GRM8: variants seen among roughly 807,000 people sequenced by gnomAD.
GRM8 encodes glutamate metabotropic receptor 8, also known as metabotropic glutamate receptor 8.
In GRM8, 47 loss-of-function variants were observed where a neutral mutation model predicts 87.2. The observed-to-expected ratio is 0.54, with a 90% CI of 0.43 to 0.69. The LOEUF is 0.69. Among genes scored for constraint, GRM8 ranks in the 30% least tolerant of loss-of-function variants. The pLI, the probability that GRM8 is intolerant of heterozygous loss-of-function variation, is 0.00. For synonymous variants in GRM8, 396 were observed against 404.5 expected, an observed-to-expected ratio of 0.98 and a Z score of 0.25; for missense variants, 1,019 against 1,139.2, an observed-to-expected ratio of 0.89 and a Z score of 1.52.
At chr7:126,746,512 C>T (rs923691537) in intron 7 of GRM8, among the ~76,000 whole-genome samples, 114 of 151,674 alleles carry the variant, frequency 7.5e-4, no homozygotes, top group African/African-American at 2.5e-3. Flanking sequence ...AAAATTTAAA[C>T]TTTTTAAATT....
At chr7:126,600,830 T>A (rs1271842392) in intron 8 of GRM8, among the ~76,000 whole-genome samples, 1 of 152,100 alleles carries the variant, frequency 6.6e-6, no homozygotes, top group Non-Finnish European at 1.5e-5. Context: ...TAAATTAGCA[T>A]CTAATAAACA....
At chr7:126,459,422 C>A (rs1803637105) in intron 9 of GRM8, among the ~76,000 whole-genome samples, 1 of 151,210 alleles carries the variant, frequency 6.6e-6, no homozygotes, top group African/African-American at 2.4e-5. Context: ...TCACCCCCAG[C>A]TCCTATGCTG....
rs139334197 is a variant in GRM8 at position 126,485,670 on chromosome 7, A to C, written c.2431-39298T>G. Among the ~76,000 whole-genome samples, 15 of 152,160 alleles carry C rather than the reference A, an allele frequency of 9.9e-5. No individual in the cohort carries two copies. The East Asian group carries it at 2.9e-3, about 30-fold the overall frequency. On this transcript the variant is annotated intron_variant, in intron 9 of 10. Coordinates refer to ENST00000339582, the MANE Select transcript of GRM8 (RefSeq NM_000845.3). ...CAAAACTGAAGACTAAAAAATCTTC[A>C]GTGGTTGCCCCTCTGCCAAATTAGC...
chr7:126,517,193 A>C (rs893663934), intron 9 of GRM8, among the ~76,000 whole-genome samples: 8 of 152,104 alleles, frequency 5.3e-5, no homozygotes, highest in African/African-American at 1.9e-4. Flanking sequence ...GCAGATTTAC[A>C]TAACAAGAAT....
At chr7:127,015,527 T>C (rs1312541612) in intron 3 of GRM8, among the ~76,000 whole-genome samples, 1 of 152,148 alleles carries the variant, frequency 6.6e-6, no homozygotes, top group Non-Finnish European at 1.5e-5. Flanking sequence ...ATTTTCTGTA[T>C]TCATCTGTTG....
In GRM8 at chr7:126,919,818, G is replaced by A. The variant is rs145356297; in HGVS notation, c.728-15135C>T. 9.2e-5 allele frequency among the ~76,000 whole-genome samples: 14 copies of A among 152,090 alleles called. No individual in the cohort carries two copies. In the East Asian group the frequency reaches 2.5e-3, roughly 27 times the overall value. On this transcript the variant is annotated intron_variant, in intron 3 of 10. Coordinates refer to ENST00000339582, the MANE Select transcript of GRM8 (RefSeq NM_000845.3). ...ATTTTAAAAACCTGAAAATGGAGAT[G>A]AGCCACCTGATACAACACCCTTTCA...
chr7:126,996,351 A>G (rs2131991992), intron 3 of GRM8, among the ~76,000 whole-genome samples: 1 of 149,750 alleles, frequency 6.7e-6, no homozygotes, highest in African/African-American at 2.5e-5. Flanking sequence ...ATCTTAAGTC[A>G]AAAGACTAAA....
At chr7:127,058,130 A>T (rs746557038) in intron 3 of GRM8, 14 of 520,606 alleles carry the variant, frequency 2.7e-5, no homozygotes, top group African/African-American at 3.9e-5. Context: ...CCACGTGATG[A>T]CGCTGTGCCA....
At chr7:127,030,479 A>G (rs1817256975) in intron 3 of GRM8, among the ~76,000 whole-genome samples, 2 of 152,148 alleles carry the variant, frequency 1.3e-5, no homozygotes, top group Non-Finnish European at 1.5e-5. Flanking sequence ...CAAAGCCCCA[A>G]TTCTAGGACT....
intron 6 of GRM8, among the ~76,000 whole-genome samples, chr7:126,815,237 G>A (rs773726702): frequency 5.9e-5 from 9 of 151,936 alleles, no homozygotes; most frequent in Non-Finnish European, 1.0e-4. Context: ...AGTCTTTTTG[G>A]TACACAGAGG....
Position 126,797,648 on chromosome 7 carries a change from T to C in GRM8, c.1157-27583A>G, listed in dbSNP as rs938671069. ...TCTGAAGCCAAAACCTTTTAGTCTA[T>C]CAAGCATGGATTTATTCATGATTTT... On this transcript the variant is annotated intron_variant, in intron 6 of 10. Coordinates refer to ENST00000339582, the MANE Select transcript of GRM8 (RefSeq NM_000845.3). Among the ~76,000 whole-genome samples the C allele has an allele frequency of 2.6e-5, 4 of 152,206 alleles. No individual in the cohort carries two copies. The East Asian group carries it at 5.8e-4, about 22-fold the overall frequency.
chr7:126,931,525 T>C (rs1805770868), intron 3 of GRM8, among the ~76,000 whole-genome samples: 2 of 152,176 alleles, frequency 1.3e-5, no homozygotes, highest in South Asian at 4.1e-4. Context: ...AAACCCAAAA[T>C]ATTAATAAAG....
chr7:127,220,307 A>C (rs886069936), intron 2 of GRM8, among the ~76,000 whole-genome samples: 1 of 152,232 alleles, frequency 6.6e-6, no homozygotes, highest in Non-Finnish European at 1.5e-5. Context: ...CAAAAGCTGC[A>C]GTAAAAGAAC....
At chr7:126,461,808 C>T (rs542346722) in intron 9 of GRM8, among the ~76,000 whole-genome samples, 16 of 151,736 alleles carry the variant, frequency 1.1e-4, no homozygotes, top group Non-Finnish European at 1.9e-4. Context: ...TCTTGTAATA[C>T]ATTCTGTAAA....
At position 127,217,178 on chromosome 7, in the gene GRM8, T is replaced by C. The variant is rs147410265; in HGVS notation, c.510+25517A>G. Among the ~76,000 whole-genome samples, 57 of 152,278 alleles carry C rather than the reference T, an allele frequency of 3.7e-4. No homozygotes were observed. The East Asian group carries it at 0.011, about 29-fold the overall frequency. On this transcript the variant is annotated intron_variant, in intron 2 of 10. Transcript: ENST00000339582. ...ATGCAAAATAGGAGGGTGGCTCTAC[T>C]TGTACTACCTAAGTGCATCAGAGGA...
intron 3 of GRM8, among the ~76,000 whole-genome samples, chr7:126,910,304 C>T (rs1243258433): frequency 1.3e-5 from 2 of 151,808 alleles, no homozygotes; most frequent in Non-Finnish European, 2.9e-5. Context: ...TTTTCTTTTT[C>T]TTCTTCAATT....
At chr7:126,968,564 A>G (rs1185670043) in intron 3 of GRM8, among the ~76,000 whole-genome samples, 1 of 152,164 alleles carries the variant, frequency 6.6e-6, no homozygotes, top group East Asian at 1.9e-4. Context: ...GGAAGTCAGA[A>G]CCACGGAATT....
chr7:126,963,843 A>G (rs920524410), intron 3 of GRM8, among the ~76,000 whole-genome samples: 4 of 152,194 alleles, frequency 2.6e-5, no homozygotes, highest in African/African-American at 9.6e-5. Flanking sequence ...ACCAAAAAAG[A>G]GCCCACATAG....
chr7:126,587,610 T>C (rs1329493070), intron 8 of GRM8, among the ~76,000 whole-genome samples: 2 of 142,674 alleles, frequency 1.4e-5, no homozygotes, highest in Non-Finnish European at 3.0e-5. Flanking sequence ...TTCTCACTCA[T>C]AGGTGGGAAT....
Sources: gnomAD v4.1 joint callset for allele counts (sites outside exome capture counted in the v4.1 genomes callset) on GRCh38, gnomAD v4.1.1 for gene constraint, MANE v1.5 for transcripts, NCBI Gene and HGNC (gene_info 2026-07-23, HGNC 2026-07-21) for gene names.